Variants in RPS6KC1 observed in about 807,000 individuals in gnomAD.
The protein encoded by RPS6KC1 is inactive ribosomal protein S6 kinase delta-1.
Under a neutral mutation model 103.8 loss-of-function variants are expected in RPS6KC1, and 54 were observed. The observed-to-expected ratio is 0.52, with a 90% CI of 0.42 to 0.65. The LOEUF is 0.65. Ranked by LOEUF, RPS6KC1 falls within the 30% of genes least tolerant of loss-of-function variation. The probability of loss-of-function intolerance (pLI) is 0.00; values close to 1 mark genes in which losing one functional copy is unlikely to be tolerated. For synonymous variants in RPS6KC1, 439 were observed against 438.7 expected (o/e 1.00, Z -0.01); for missense variants, 1,151 against 1,253.8 (o/e 0.92, Z 1.24).
chr1:213,813,007 C>T, the RPS6KC1 span, among the ~76,000 whole-genome samples: 1 of 152,096 alleles, frequency 6.6e-6, no homozygotes, highest in Non-Finnish European at 1.5e-5. Flanking sequence ...AATCCCAGCA[C>T]TTTGGGAGGC....
chr1:213,297,703 C>G, the RPS6KC1 span, among the ~76,000 whole-genome samples: 180 of 152,154 alleles, frequency 1.2e-3, 1 homozygote, highest in African/African-American at 4.1e-3. Flanking sequence ...CTCAAGCTCC[C>G]GGGCTCAAGT....
the RPS6KC1 span, among the ~76,000 whole-genome samples, chr1:213,412,537 C>G: frequency 5.7e-3 from 873 of 152,344 alleles, 12 homozygotes; most frequent in African/African-American, 0.02. Flanking sequence ...GTAGCGGTCC[C>G]TGCTTTCCCT....
the RPS6KC1 span, among the ~76,000 whole-genome samples, chr1:213,696,104 A>G: frequency 6.6e-6 from 1 of 152,208 alleles, no homozygotes; most frequent in Admixed American, 6.5e-5. Context: ...GCCACTCAGA[A>G]TCAGTCATCT....
At chr1:213,355,374 C>T in the RPS6KC1 span, among the ~76,000 whole-genome samples, 2 of 152,102 alleles carry the variant, frequency 1.3e-5, no homozygotes, top group Non-Finnish European at 2.9e-5. Context: ...CCCCCGTGCC[C>T]CCTTGCAGAA....
At chr1:213,445,998 C>A in the RPS6KC1 span, among the ~76,000 whole-genome samples, 1 of 152,162 alleles carries the variant, frequency 6.6e-6, no homozygotes, top group South Asian at 2.1e-4. Flanking sequence ...GGTGGTGGCA[C>A]GAATGCAGTC....
intron 1 of RPS6KC1, among the ~76,000 whole-genome samples, chr1:213,065,740 T>C (rs2148406610): frequency 6.6e-6 from 1 of 152,326 alleles, no homozygotes; most frequent in Non-Finnish European, 1.5e-5. Flanking sequence ...TCCATTGTAC[T>C]GCAGTACCTG....
chr1:213,678,877 T>C, the RPS6KC1 span, among the ~76,000 whole-genome samples: 1 of 152,224 alleles, frequency 6.6e-6, no homozygotes, highest in Non-Finnish European at 1.5e-5. Context: ...TTGTCCTACC[T>C]CTCTGAGCCC....
the RPS6KC1 span, among the ~76,000 whole-genome samples, chr1:213,640,435 C>T: frequency 6.6e-6 from 1 of 150,680 alleles, no homozygotes; most frequent in South Asian, 2.1e-4. Flanking sequence ...TATTTACTTT[C>T]TTCTGCTTGA....
chr1:213,734,478 T>C, the RPS6KC1 span, among the ~76,000 whole-genome samples: 122,435 of 152,222 alleles, frequency 0.8, 49,682 homozygotes, highest in Middle Eastern at 0.93. Context: ...GTACAGTCAG[T>C]AGGCCACAGA....
At chr1:213,616,852 C>T in the RPS6KC1 span, among the ~76,000 whole-genome samples, 1 of 152,092 alleles carries the variant, frequency 6.6e-6, no homozygotes, top group African/African-American at 2.4e-5. Flanking sequence ...CCCAGAAGGG[C>T]AGTTCTGTGA....
the RPS6KC1 span, among the ~76,000 whole-genome samples, chr1:213,711,615 T>G: frequency 6.6e-6 from 1 of 152,170 alleles, no homozygotes; most frequent in African/African-American, 2.4e-5. Flanking sequence ...ATTTTCACCC[T>G]TTTTGTGCTG....
intron 4 of RPS6KC1, among the ~76,000 whole-genome samples, chr1:213,111,602 A>G (rs899614916): frequency 3.3e-5 from 5 of 152,220 alleles, no homozygotes; most frequent in African/African-American, 1.2e-4. Flanking sequence ...TCTTATGTCA[A>G]CTAATAATAA....
chr1:213,397,584 CACAT>C, the RPS6KC1 span, among the ~76,000 whole-genome samples: 1,114 of 88,272 alleles, frequency 0.013, 4 homozygotes, highest in Non-Finnish European at 0.015. Context: ...GAGTCAGGAA[CACAT>C]ACACACACAC....
chr1:213,394,691 C>T, the RPS6KC1 span, among the ~76,000 whole-genome samples: 2 of 152,198 alleles, frequency 1.3e-5, no homozygotes, highest in African/African-American at 4.8e-5. Context: ...GTTGGATGAA[C>T]ATCACAGGGG....
the RPS6KC1 span, among the ~76,000 whole-genome samples, chr1:213,388,133 C>T: frequency 1.2e-3 from 179 of 152,362 alleles, 2 homozygotes; most frequent in Middle Eastern, 3.4e-3. Context: ...AATCCTGCTG[C>T]GACATTTGGC....
At chr1:213,503,766 A>C in the RPS6KC1 span, among the ~76,000 whole-genome samples, 1 of 152,230 alleles carries the variant, frequency 6.6e-6, no homozygotes, top group African/African-American at 2.4e-5. Flanking sequence ...AGCATTAGTA[A>C]GGATATGCAG....
At chr1:213,773,079 G>C in the RPS6KC1 span, among the ~76,000 whole-genome samples, 1 of 152,150 alleles carries the variant, frequency 6.6e-6, no homozygotes, top group Admixed American at 6.5e-5. Context: ...GATCAGCAGG[G>C]CCTCTCTCCA....
chr1:213,809,668 A>G, the RPS6KC1 span, among the ~76,000 whole-genome samples: 133 of 152,330 alleles, frequency 8.7e-4, no homozygotes, highest in African/African-American at 3.2e-3. Context: ...TTAAGAGGAT[A>G]CTCATTACAA....
At chr1:213,358,185 A>G in the RPS6KC1 span, among the ~76,000 whole-genome samples, 2 of 151,958 alleles carry the variant, frequency 1.3e-5, no homozygotes, top group Non-Finnish European at 1.5e-5. Flanking sequence ...TTTTCTATTG[A>G]TTGGAATAGT....
Sources: allele counts gnomAD v4.1 joint callset (sites outside exome capture counted in the v4.1 genomes callset), GRCh38; gene constraint gnomAD v4.1.1; transcripts MANE v1.5; gene names NCBI Gene and HGNC (gene_info 2026-07-23, HGNC 2026-07-21).